Variants in CELF2 observed in about 807,000 individuals in gnomAD.
CELF2 encodes CUGBP Elav-like family member 2, also known as CUG triplet repeat RNA-binding protein 2.
In CELF2, 8 loss-of-function variants were observed where a neutral mutation model predicts 62.6. The observed-to-expected ratio is 0.13, with a 90% CI of 0.07 to 0.23. The LOEUF (loss-of-function observed/expected upper bound fraction) is 0.23, where lower values mean the gene tolerates loss of function less well. Ranked by LOEUF, CELF2 falls within the 10% of genes least tolerant of loss-of-function variation. CELF2 has a pLI of 1.00. For synonymous variants in CELF2, 258 were observed against 250.0 expected, an observed-to-expected ratio of 1.03 and a Z score of -0.30; for missense variants, 333 against 671.0, an observed-to-expected ratio of 0.50 and a Z score of 5.56.
chr10:10,724,278 A>G, the CELF2 span, among the ~76,000 whole-genome samples: 2 of 152,254 alleles, frequency 1.3e-5, no homozygotes, highest in South Asian at 2.1e-4. Flanking sequence ...CTTGGTCTCA[A>G]TTTCCTCATT....
chr10:11,132,984 A>G (rs182333002), intron 1 of CELF2, among the ~76,000 whole-genome samples: 1 of 152,352 alleles, frequency 6.6e-6, no homozygotes, highest in African/African-American at 2.4e-5. Flanking sequence ...CAGGGATGGC[A>G]GCAATGTTTG....
chr10:10,962,125 A>T (rs1240338212), intron 2 of CELF2, among the ~76,000 whole-genome samples: 1 of 151,962 alleles, frequency 6.6e-6, no homozygotes, highest in Non-Finnish European at 1.5e-5. Flanking sequence ...GAGAGAAGAG[A>T]AGAGGGAGAG....
Position 11,328,414 on chromosome 10 carries a change from G to A in CELF2, c.1439-512G>A, listed in dbSNP as rs533602593. Among the ~76,000 whole-genome samples, 3 of 152,188 alleles carry A rather than the reference G, an allele frequency of 2.0e-5. No homozygotes were observed. Among genetic ancestry groups the A allele is most frequent in the East Asian group, 1.9e-4 (1 of 5,164 alleles). Reference sequence around the variant, plus strand: ...CTGTGTGACAGACGATGGAGAGCTCGAGTGACAGGCTGGGGCTTGGCAGTA... The same window carrying A: ...CTGTGTGACAGACGATGGAGAGCTCAAGTGACAGGCTGGGGCTTGGCAGTA... On this transcript the variant is annotated intron_variant, in intron 12 of 12. Transcript: ENST00000633077. This position sits in a 1 kb window ranked among gnomAD's most constrained non-coding sequence, Gnocchi z 6.4.
At chr10:10,768,135 C>A in the CELF2 span, among the ~76,000 whole-genome samples, 1 of 150,620 alleles carries the variant, frequency 6.6e-6, no homozygotes, top group Non-Finnish European at 1.5e-5. Flanking sequence ...CACTGCACTC[C>A]ATCCTGGGCA....
chr10:10,875,732 G>A (rs1324652469), intron 1 of CELF2, among the ~76,000 whole-genome samples: 1 of 152,066 alleles, frequency 6.6e-6, no homozygotes, highest in African/African-American at 2.4e-5. Flanking sequence ...GCTTGATAAA[G>A]TACAGTATGT....
At chr10:10,497,205 A>AG in the CELF2 span, among the ~76,000 whole-genome samples, 7 of 129,480 alleles carry the variant, frequency 5.4e-5, no homozygotes, top group African/African-American at 2.0e-4. Flanking sequence ...AAAAAAAAAA[A>AG]GATAAAAAGA....
upstream of CELF2, among the ~76,000 whole-genome samples, chr10:11,014,619 G>A (rs1321169009): frequency 6.6e-6 from 1 of 152,040 alleles, no homozygotes; most frequent in Non-Finnish European, 1.5e-5. Context: ...TGTTTCCATT[G>A]AGTGTGTTTT....
At chr10:10,572,665 T>C in the CELF2 span, among the ~76,000 whole-genome samples, 1 of 152,184 alleles carries the variant, frequency 6.6e-6, no homozygotes, top group Non-Finnish European at 1.5e-5. Context: ...GCTCCAACTG[T>C]GTCCCTGCAA....
intron 2 of CELF2, among the ~76,000 whole-genome samples, chr10:10,939,366 AC>A (rs2046789926): frequency 6.6e-6 from 1 of 151,970 alleles, no homozygotes; most frequent in Non-Finnish European, 1.5e-5. Flanking sequence ...GCTCACTGCC[AC>A]CTCTGCCTCC....
intron 1 of CELF2, among the ~76,000 whole-genome samples, chr10:11,141,093 A>G (rs2061287364): frequency 6.6e-6 from 1 of 152,188 alleles, no homozygotes; most frequent in Admixed American, 6.5e-5. Flanking sequence ...AACACTCACC[A>G]CATGCCGGGC....
the CELF2 span, among the ~76,000 whole-genome samples, chr10:10,628,126 C>T: frequency 6.6e-6 from 1 of 152,268 alleles, no homozygotes; most frequent in South Asian, 2.1e-4. Context: ...TGGTCTCAAA[C>T]TCCTGGCCTC....
intron 1 of CELF2, among the ~76,000 whole-genome samples, chr10:10,844,268 A>G (rs1357198157): frequency 2.0e-5 from 3 of 152,044 alleles, no homozygotes; most frequent in African/African-American, 4.8e-5. Flanking sequence ...ATCCTGTCCC[A>G]TGAAGTTCCT....
chr10:11,057,747 C>G (rs1393918457), intron 1 of CELF2, among the ~76,000 whole-genome samples: 1 of 152,150 alleles, frequency 6.6e-6, no homozygotes, highest in African/African-American at 2.4e-5. Flanking sequence ...ATACAGGAGT[C>G]ACAAAATGTT....
In CELF2 at chr10:11,124,755, C is replaced by T. The variant is rs555208261; in HGVS notation, c.75-40731C>T. 2.4e-4 allele frequency among the ~76,000 whole-genome samples: 36 copies of T among 152,278 alleles called. No individual in the cohort carries two copies. In the South Asian group the frequency reaches 6.4e-3, roughly 27 times the overall value. ...CCCATGGAGCTTACAGTCTATTATA[C>T]GTGAAATTTCCAAAGTTGCTGAAAA... On this transcript the variant is annotated intron_variant, in intron 1 of 12. Coordinates refer to ENST00000633077, the MANE Select transcript of CELF2 (RefSeq NM_001326342.2).
chr10:10,653,013 T>A, the CELF2 span, among the ~76,000 whole-genome samples: 1 of 151,988 alleles, frequency 6.6e-6, no homozygotes, highest in Admixed American at 6.6e-5. Context: ...AATAAAAGGA[T>A]GGAGGAAGAT....
At chr10:10,596,939 AC>A in the CELF2 span, among the ~76,000 whole-genome samples, 23 of 152,162 alleles carry the variant, frequency 1.5e-4, no homozygotes, top group African/African-American at 5.3e-4. Flanking sequence ...TTCCTCCTCC[AC>A]CCAGAAAGCT....
the CELF2 span, among the ~76,000 whole-genome samples, chr10:10,739,863 G>T: frequency 1.3e-5 from 2 of 152,042 alleles, no homozygotes; most frequent in Non-Finnish European, 2.9e-5. Context: ...GCACCTTTTC[G>T]AGACTGTTGG....
In CELF2 at chr10:11,025,239, G is replaced by GTGTGTGTATA. The variant is rs61580670; in HGVS notation, c.74+7077_74+7078insGTGTGTATAT. Among the ~76,000 whole-genome samples, 5 of 140,998 alleles carry GTGTGTGTATA rather than the reference G, an allele frequency of 3.5e-5. No homozygotes were observed. In the South Asian group the frequency reaches 7.0e-4, roughly 20 times the overall value. The allele number at this position is 140,998 out of a possible 152,430, so 92.5% of individuals were successfully genotyped here. On this transcript the variant is annotated intron_variant, in intron 1 of 12. Transcript: ENST00000633077. ...TGTGTGTGTGTGTGTGTGTGTGTGT[G>GTGTGTGTATA]TATATGTATGTGACTGTATATCTGG...
chr10:11,168,256 T>C (rs954635085), intron 2 of CELF2, among the ~76,000 whole-genome samples: 1 of 152,190 alleles, frequency 6.6e-6, no homozygotes, highest in African/African-American at 2.4e-5. Flanking sequence ...TCAATTCCCA[T>C]TACTGTGAAC....
Sources: gnomAD v4.1 joint callset for allele counts (sites outside exome capture counted in the v4.1 genomes callset) on GRCh38, gnomAD v4.1.1 for gene constraint, Gnocchi (gnomAD v3.1) non-coding constraint, MANE v1.5 for transcripts, NCBI Gene and HGNC (gene_info 2026-07-23, HGNC 2026-07-21) for gene names.